The following ARVCF variants were observed in gnomAD, a reference collection of about 807,000 sequenced individuals.
ARVCF encodes the protein ARVCF delta catenin family member, also known as splicing regulator ARVCF.
Under a neutral mutation model 90.9 loss-of-function variants are expected in ARVCF, and 66 were observed. The observed-to-expected ratio is 0.73, with a 90% confidence interval of 0.60 to 0.89. The LOEUF (loss-of-function observed/expected upper bound fraction) is 0.89, where lower values mean the gene tolerates loss of function less well. Ranked by LOEUF, ARVCF falls within the 40% of genes least tolerant of loss-of-function variation. The pLI, the probability that ARVCF is intolerant of heterozygous loss-of-function variation, is 0.00. For synonymous variants in ARVCF, 653 were observed against 603.4 expected (o/e 1.08, Z -1.21); for missense variants, 1,469 against 1,382.3 (o/e 1.06, Z -1.00).
chr22:19,973,630 C>T lies in ARVCF; in HGVS notation c.2239+13G>A. On this transcript the variant is annotated intron_variant, in intron 13 of 19. Coordinates refer to ENST00000263207, the MANE Select transcript of ARVCF (RefSeq NM_001670.3). ...GTTCGGTGCCCAGGCGTGGGCTTTG[C>T]AGGCGTCCTCACCGATGAGGTCTTT... 6.3e-7 allele frequency: 1 copy of T among 1,597,958 alleles called. No homozygotes were observed.
rs116581773 is a variant in ARVCF at position 19,971,266 on chromosome 22, C to T, written c.2851G>A (p.Gly951Arg). The change falls in exon 19 of 20, where the codon GGG becomes AGG. Residue 951 changes from glycine (G) to arginine (R), a missense_variant. Coordinates refer to ENST00000263207, the MANE Select transcript of ARVCF (RefSeq NM_001670.3). Reference protein sequence around the residue: ...RPAVRLVDAVGDAKPQPVDSW... With the variant: ...RPAVRLVDAVRDAKPQPVDSW... ...TCAACGGGCTGAGGCTTAGCGTCCC[C>T]TACGGCGTCCACCAGCCTGACCGCG... The T allele has an allele frequency of 1.6e-4, 246 of 1,556,396 alleles. 2 individuals are homozygous for T. In the African/African-American group the frequency reaches 3.0e-3, roughly 19 times the overall value.
intron 3 of ARVCF, among the ~76,000 whole-genome samples, chr22:19,990,246 T>C (rs1442360083): frequency 6.6e-6 from 1 of 152,134 alleles, no homozygotes. Flanking sequence ...CAATGAACAC[T>C]GTGGCAGGGT....
intron 18 of ARVCF, among the ~76,000 whole-genome samples, 190 bp downstream of exon 18, chr22:19,971,696 G>A (rs1168921792): frequency 6.6e-6 from 1 of 152,180 alleles, no homozygotes; most frequent in Non-Finnish European, 1.5e-5. Flanking sequence ...TGTCCCCAGT[G>A]GGTGGGAGCT....
intron 18 of ARVCF, among the ~76,000 whole-genome samples, 158 bp downstream of exon 18, chr22:19,971,728 G>C (rs887499741): frequency 6.6e-6 from 1 of 152,188 alleles, no homozygotes; most frequent in Non-Finnish European, 1.5e-5. Context: ...AGTACCCACA[G>C]ACTGACTGGC....
At chr22:19,993,150 G>T (rs1266793722) in intron 2 of ARVCF, among the ~76,000 whole-genome samples, 1 of 152,066 alleles carries the variant, frequency 6.6e-6, no homozygotes, top group Admixed American at 6.6e-5. Flanking sequence ...ATTTGCCCTG[G>T]GGGGAAGTGC....
At position 19,972,617 on chromosome 22, in the gene ARVCF, G is replaced by A. The variant is rs62223685; in HGVS notation, c.2641+120C>T. 0.16 allele frequency: 190,203 copies of A among 1,214,218 alleles called. 15,830 individuals are homozygous for A. Among genetic ancestry groups the A allele is most frequent in the Middle Eastern group, 0.19 (760 of 3,938 alleles). 75.2% of individuals were successfully genotyped at this position (1,214,218 alleles called of 1,614,324 possible). A position where few individuals can be genotyped will look rare whatever the true frequency, so the allele number is the denominator to read the frequency against. ...AGCCAAGAGGCAGAGGGCAGGGAAA[G>A]TGGCCTATGGAAGCCGTCTCAGTGG... On this transcript the variant is annotated intron_variant, in intron 16 of 19. Transcript: ENST00000263207.
intron 2 of ARVCF, among the ~76,000 whole-genome samples, chr22:20,007,563 T>C (rs1348292652): frequency 1.3e-5 from 2 of 152,256 alleles, no homozygotes; most frequent in Admixed American, 1.3e-4. Flanking sequence ...GCAACAGTGT[T>C]GAAGGTAGGA....
intron 1 of ARVCF, among the ~76,000 whole-genome samples, chr22:20,016,029 G>A (rs1328866469): frequency 6.6e-6 from 1 of 152,242 alleles, no homozygotes; most frequent in Non-Finnish European, 1.5e-5. Flanking sequence ...GCAGGGCGGC[G>A]TGGGGAGGGG....
intron 2 of ARVCF, among the ~76,000 whole-genome samples, chr22:20,006,306 G>A (rs1423015099): frequency 6.6e-6 from 1 of 152,092 alleles, no homozygotes; most frequent in African/African-American, 2.4e-5. Flanking sequence ...GGCCAGGCGT[G>A]GTGGCTCACG....
chr22:19,997,984 G>A (rs2073745), intron 2 of ARVCF, among the ~76,000 whole-genome samples: 62,680 of 152,094 alleles, frequency 0.41, 13,415 homozygotes, highest in Non-Finnish European at 0.49. Flanking sequence ...GCTGAGCCCC[G>A]TCCTCTGTAC....
Position 19,972,906 on chromosome 22 carries a change from A to C in ARVCF, c.2550+19T>G, listed in dbSNP as rs141371217. Reference sequence around the variant, plus strand: ...GGCAAAGTGAGCAGGGAATGGAAGGAAGGCCAGGGAAGCCGCACCTGGAAG... The same window carrying C: ...GGCAAAGTGAGCAGGGAATGGAAGGCAGGCCAGGGAAGCCGCACCTGGAAG... On this transcript the variant is annotated intron_variant, in intron 15 of 19. Transcript: ENST00000263207. 317 of 1,613,874 alleles carry C rather than the reference A, an allele frequency of 2.0e-4. 1 individual carries two copies. The highest frequency in any genetic ancestry group is 3.1e-4 in the East Asian group (14 of 44,884).
intron 2 of ARVCF, among the ~76,000 whole-genome samples, chr22:20,007,623 AT>A (rs1167032309): frequency 6.6e-6 from 1 of 152,246 alleles, no homozygotes; most frequent in African/African-American, 2.4e-5. Flanking sequence ...GAATGGATTA[AT>A]TCCGTTACAG....
chr22:19,972,538 A>G lies in ARVCF; in HGVS notation c.2642-127T>C, dbSNP rs1424270400. 12 of 1,294,252 alleles carry G rather than the reference A, an allele frequency of 9.3e-6. No homozygotes were observed. In the East Asian group the frequency reaches 2.7e-4, roughly 29 times the overall value. 80.2% of individuals were successfully genotyped at this position (1,294,252 alleles called of 1,614,324 possible). On this transcript the variant is annotated intron_variant, in intron 16 of 19. Transcript: ENST00000263207. ...GTCACTAAGGTGCCCAACCTCTGCC[A>G]GCTGGCAGCCTCACCCCAGCTTGAC...
rs560416765 is a variant in ARVCF, at chr22:19,993,316, C to T, written c.-18-2504G>A. Among the ~76,000 whole-genome samples, 5 of 152,336 alleles carry T rather than the reference C, an allele frequency of 3.3e-5. 1 individual carries two copies. In the South Asian group the frequency reaches 1.0e-3, roughly 32 times the overall value. ...AGTCTGGATACAAGGGATCCTGGCC[C>T]AGAACCAAAGAGGGCTGCTTTTCAG... is the stretch of plus-strand genomic sequence containing the variant. On this transcript the variant is annotated intron_variant, in intron 2 of 19. Transcript: ENST00000263207.
chr22:19,990,865 C>A, intron 2 of ARVCF, 53 bp from the exon 3 acceptor site: 1 of 1,510,994 alleles, frequency 6.6e-7, no homozygotes, highest in Non-Finnish European at 8.9e-7. Context: ...CTGGCAAGGC[C>A]ATCATGGGCC....
In ARVCF at chr22:19,981,750, T is replaced by G; in HGVS notation, c.370-13A>C. Reference sequence around the variant, plus strand: ...CAGTCTTGGTGACCTGGTGGATGGATAGGCAGGTAGGTGGGGTAGCACGAG... The same window carrying G: ...CAGTCTTGGTGACCTGGTGGATGGAGAGGCAGGTAGGTGGGGTAGCACGAG... On this transcript the variant is annotated splice_polypyrimidine_tract_variant and intron_variant, in intron 4 of 19. Coordinates refer to ENST00000263207, the MANE Select transcript of ARVCF (RefSeq NM_001670.3). 1.3e-6 allele frequency: 2 copies of G among 1,556,212 alleles called. No individual in the cohort carries two copies. The highest frequency in any genetic ancestry group is 1.7e-6 in the Non-Finnish European group (2 of 1,148,936).
In ARVCF at chr22:19,994,257, G is replaced by A. The variant is rs184221231; in HGVS notation, c.-18-3445C>T. On this transcript the variant is annotated intron_variant, in intron 2 of 19. Coordinates refer to ENST00000263207, the MANE Select transcript of ARVCF (RefSeq NM_001670.3). ...GGGGGATGGTGGGGAATGGACAGAT[G>A]GATGAATGAATGGGTCGGGGGGATG... 2.7e-3 allele frequency among the ~76,000 whole-genome samples: 402 copies of A among 150,278 alleles called. 3 individuals carry two copies. Among genetic ancestry groups the A allele is most frequent in the African/African-American group, 9.5e-3 (389 of 40,832 alleles).
At chr22:19,977,214 G>C (rs542459127) in intron 9 of ARVCF, among the ~76,000 whole-genome samples, 1 of 150,640 alleles carries the variant, frequency 6.6e-6, no homozygotes, top group South Asian at 2.1e-4. Context: ...AGTGTAGATG[G>C]GGAAGGTTGG....
intron 3 of ARVCF, chr22:19,987,161 G>A (rs1287304423): frequency 4.4e-6 from 2 of 450,964 alleles, no homozygotes; most frequent in East Asian, 7.2e-5. Flanking sequence ...CTCGGCTCCG[G>A]CGCCTCGGCC....
Sources: allele counts gnomAD v4.1 joint callset (sites outside exome capture counted in the v4.1 genomes callset), GRCh38; gene constraint gnomAD v4.1.1; transcripts MANE v1.5; gene names NCBI Gene and HGNC (gene_info 2026-07-23, HGNC 2026-07-21).